PCLO: variants seen among roughly 807,000 people sequenced by gnomAD.
PCLO encodes the protein protein piccolo.
Under a neutral mutation model 427.5 loss-of-function variants are expected in PCLO, and 82 were observed. The observed-to-expected ratio is 0.19, with a 90% CI of 0.16 to 0.23. The LOEUF is 0.23. PCLO is among the 10% of genes least tolerant of loss of function. The pLI is 1.00. For missense variants in PCLO, 6,239 were observed against 6,115.9 expected, an observed-to-expected ratio of 1.02 and a Z score of -0.67; for synonymous variants, 2,357 against 2,155.4, an observed-to-expected ratio of 1.09 and a Z score of -2.59.
chr7:82,991,193 G>C (rs1428410402), intron 3 of PCLO, among the ~76,000 whole-genome samples: 1 of 151,992 alleles, frequency 6.6e-6, no homozygotes, highest in Non-Finnish European at 1.5e-5. Context: ...ATCTTTATGT[G>C]TCTATTTATA....
chr7:82,942,342 G>A lies in PCLO; in HGVS notation c.11112+7134C>T, dbSNP rs542830012. On this transcript the variant is annotated intron_variant, in intron 6 of 24. Coordinates refer to ENST00000333891, the MANE Select transcript of PCLO (RefSeq NM_033026.6). Reference sequence around the variant, plus strand: ...GGCATATCATAATATTTAGTTTTACGCTTTTGGCAGAAGTCTTTCAACGAA... The same window carrying A: ...GGCATATCATAATATTTAGTTTTACACTTTTGGCAGAAGTCTTTCAACGAA... 2.6e-4 allele frequency among the ~76,000 whole-genome samples: 40 copies of A among 152,202 alleles called. 2 individuals carry two copies. The South Asian group carries it at 7.9e-3, about 30-fold the overall frequency.
intron 15 of PCLO, among the ~76,000 whole-genome samples, chr7:82,836,811 A>G (rs1792242877): frequency 6.6e-6 from 1 of 152,176 alleles, no homozygotes; most frequent in African/African-American, 2.4e-5. Context: ...AATACTAAGC[A>G]GCAGATTCAA....
In PCLO at chr7:82,818,649, A is replaced by G. The variant is rs142259688; in HGVS notation, c.14791+3846T>C. Among the ~76,000 whole-genome samples the G allele has an allele frequency of 9.3e-3, 1,416 of 152,316 alleles. 30 individuals are homozygous for G. The highest frequency in any genetic ancestry group is 0.032 in the African/African-American group (1,334 of 41,584). The stretch of plus-strand genomic sequence containing the variant: ...AGGAGACAATGTATTCAAAAATTAT[A>G]ACTCAAAAAGTCACAAGACAATGTT... On this transcript the variant is annotated intron_variant, in intron 20 of 24. Coordinates refer to ENST00000333891, the MANE Select transcript of PCLO (RefSeq NM_033026.6).
At chr7:82,999,145 G>T (rs528600278) in intron 3 of PCLO, among the ~76,000 whole-genome samples, 24 of 143,016 alleles carry the variant, frequency 1.7e-4, no homozygotes, top group Non-Finnish European at 2.1e-4. Context: ...AAACCAAAAA[G>T]CAGAGAATGA....
chr7:83,002,314 T>C (rs948427618), intron 3 of PCLO, among the ~76,000 whole-genome samples: 6 of 152,042 alleles, frequency 3.9e-5, no homozygotes, highest in African/African-American at 1.4e-4. Flanking sequence ...TAACTATTTA[T>C]GTCTTTAACC....
rs542851697 is a variant in PCLO at position 82,860,969 on chromosome 7, G to A, written c.13655-13722C>T. Among the ~76,000 whole-genome samples the A allele has an allele frequency of 1.6e-4, 24 of 151,810 alleles. No homozygotes were observed. The South Asian group carries it at 2.1e-3, about 13-fold the overall frequency. ...AAACCAAAAAGCATATGATATATAC[G>A]CAAAAAATAAAAAGCAAAAACTAAA... On this transcript the variant is annotated intron_variant, in intron 10 of 24. Transcript: ENST00000333891.
chr7:82,855,571 T>C (rs547158516), intron 10 of PCLO, among the ~76,000 whole-genome samples: 1 of 152,148 alleles, frequency 6.6e-6, no homozygotes, highest in South Asian at 2.1e-4. Flanking sequence ...ATGCTGATAT[T>C]ATTTGGAGGC....
intron 22 of PCLO, among the ~76,000 whole-genome samples, chr7:82,780,380 C>T (rs1790846755): frequency 6.6e-6 from 1 of 152,196 alleles, no homozygotes; most frequent in Admixed American, 6.5e-5. Context: ...TATGGTTCCC[C>T]ACTTCCTTTG....
chr7:83,097,636 TAAAC>T (rs1299466760), intron 3 of PCLO, among the ~76,000 whole-genome samples: 1 of 150,550 alleles, frequency 6.6e-6, no homozygotes, highest in South Asian at 2.1e-4. Flanking sequence ...TTTATAAACT[TAAAC>T]AGTCTATTAA....
chr7:82,903,138 T>G (rs1794098586), intron 8 of PCLO, among the ~76,000 whole-genome samples: 1 of 151,980 alleles, frequency 6.6e-6, no homozygotes, highest in Admixed American at 6.6e-5. Flanking sequence ...TTTTTAATTT[T>G]CAGCAATTAA....
intron 3 of PCLO, among the ~76,000 whole-genome samples, chr7:83,095,085 C>A (rs932012419): frequency 1.3e-5 from 2 of 152,052 alleles, no homozygotes; most frequent in African/African-American, 2.4e-5. Flanking sequence ...ATTAAATAAT[C>A]TGGACCTGGA....
intron 2 of PCLO, among the ~76,000 whole-genome samples, chr7:83,137,439 CATTT>C (rs1379817903): frequency 3.3e-5 from 5 of 152,028 alleles, no homozygotes; most frequent in Non-Finnish European, 7.4e-5. Flanking sequence ...TTCATTCATT[CATTT>C]ATTTAGAGAT....
intron 3 of PCLO, among the ~76,000 whole-genome samples, chr7:82,970,817 T>C (rs1795885569): frequency 6.6e-6 from 1 of 151,830 alleles, no homozygotes; most frequent in Non-Finnish European, 1.5e-5. Flanking sequence ...GAAAAATTGA[T>C]CAGGTTTTTC....
At chr7:83,024,861 G>T (rs1381038726) in intron 3 of PCLO, among the ~76,000 whole-genome samples, 17 of 151,960 alleles carry the variant, frequency 1.1e-4, no homozygotes, top group Admixed American at 2.6e-4. Flanking sequence ...CACCTCACAC[G>T]GCAGGGTACT....
rs763573179 is a variant in PCLO, at chr7:82,956,139, G to C, written c.4814C>G (p.Ala1605Gly). 6.2e-7 allele frequency: 1 copy of C among 1,608,616 alleles called. No homozygotes were observed. Among genetic ancestry groups the C allele is most frequent in the East Asian group, 2.2e-5 (1 of 44,862 alleles). The change falls in exon 5 of 25, where the codon GCA becomes GGA. Residue 1605 changes from alanine (A) to glycine (G), a missense_variant. Ala to Gly is a moderately conservative substitution (Grantham distance 60). Transcript: ENST00000333891. Reference protein sequence around the residue: ...EETKGKGKITAGKHRRLTRKS... With the variant: ...EETKGKGKITGGKHRRLTRKS... Reference sequence around the variant, plus strand: ...TCGAGTCAGTCGTCTGTGTTTCCCTGCTGTTATTTTGCCTTTTCCCTTTGT... The same window carrying C: ...TCGAGTCAGTCGTCTGTGTTTCCCTCCTGTTATTTTGCCTTTTCCCTTTGT...
In PCLO at chr7:83,155,374, G is replaced by C; in HGVS notation, c.1267C>G (p.Gln423Glu). ...QQVGTPKPLA[Q>E]QPGLQSPAKA... is the part of the protein sequence containing the mutation. ...GCTGGAGACTGTAGCCCAGGTTGTTGAGCTAGGGGTTTTGGTGTCCCCACC... is the reference window on the plus strand; with the variant it reads ...GCTGGAGACTGTAGCCCAGGTTGTTCAGCTAGGGGTTTTGGTGTCCCCACC... Residue 423 changes from glutamine (Q) to glutamate (E), a missense_variant, in exon 2 of 25, where the codon CAA becomes GAA. This residue lies in a region of PCLO where 4,677 missense variants were observed against 4,468.4 expected (regional missense o/e 1.05). Transcript: ENST00000333891. 1.2e-6 allele frequency: 2 copies of C among 1,613,932 alleles called. No homozygotes were observed. The highest frequency in any genetic ancestry group is 1.7e-6 in the Non-Finnish European group (2 of 1,179,884).
chr7:83,138,025 T>A (rs1791770517), intron 2 of PCLO, among the ~76,000 whole-genome samples: 1 of 152,160 alleles, frequency 6.6e-6, no homozygotes, highest in East Asian at 1.9e-4. Context: ...ATGTCAACTC[T>A]GCTGTTCTAC....
chr7:82,788,144 T>G (rs2129468320), intron 22 of PCLO, among the ~76,000 whole-genome samples: 1 of 149,790 alleles, frequency 6.7e-6, no homozygotes, highest in African/African-American at 2.4e-5. Flanking sequence ...CTGATTTAAT[T>G]TAATCAATCT....
intron 2 of PCLO, among the ~76,000 whole-genome samples, chr7:83,154,060 C>G (rs1408366112): frequency 6.6e-6 from 1 of 152,088 alleles, no homozygotes; most frequent in Non-Finnish European, 1.5e-5. Flanking sequence ...CACAATTAAC[C>G]TTTTTATAAT....
Sources: gnomAD v4.1 joint callset for allele counts (sites outside exome capture counted in the v4.1 genomes callset) on GRCh38, gnomAD v4.1.1 for gene constraint, gnomAD v4.1.1 regional missense constraint, MANE v1.5 for transcripts, NCBI Gene and HGNC (gene_info 2026-07-23, HGNC 2026-07-21) for gene names.